The following NALCN variants were observed in gnomAD, a reference collection of about 807,000 sequenced individuals.
The protein encoded by NALCN is sodium leak channel, non-selective, also known as sodium leak channel NALCN.
NALCN carries 111 observed loss-of-function variants against 225.3 expected under a neutral mutation model. The ratio of observed to expected loss-of-function variants is 0.49; its 90% CI spans 0.42 to 0.58. NALCN has a LOEUF of 0.58. Among genes scored for constraint, NALCN ranks in the 20% least tolerant of loss-of-function variants. NALCN has a pLI of 0.00. For missense variants in NALCN, 1,378 were observed against 2,202.4 expected (o/e 0.63, Z 7.49); for synonymous variants, 764 against 769.0 (o/e 0.99, Z 0.11).
chr13:101,253,128 A>T (rs1443573467), intron 11 of NALCN, among the ~76,000 whole-genome samples: 1 of 152,156 alleles, frequency 6.6e-6, no homozygotes, highest in Non-Finnish European at 1.5e-5. Context: ...ATTCTTACAG[A>T]GGAAAATAAA....
chr13:101,244,416 T>C (rs1384504888), intron 11 of NALCN, among the ~76,000 whole-genome samples: 1 of 152,198 alleles, frequency 6.6e-6, no homozygotes, highest in East Asian at 1.9e-4. Context: ...TGATATTCTT[T>C]TGAAAGACAC....
At chr13:101,066,678 C>T (rs1028104807) in intron 39 of NALCN, among the ~76,000 whole-genome samples, 22 of 152,056 alleles carry the variant, frequency 1.4e-4, no homozygotes, top group African/African-American at 3.1e-4. Context: ...ATGCCCTGCA[C>T]GCAGGGCTCT....
At chr13:101,187,308 T>C (rs1011927440) in intron 14 of NALCN, among the ~76,000 whole-genome samples, 1 of 152,170 alleles carries the variant, frequency 6.6e-6, no homozygotes, top group Non-Finnish European at 1.5e-5. Flanking sequence ...ATATATAGGG[T>C]TCTGTACTAT....
intron 13 of NALCN, among the ~76,000 whole-genome samples, chr13:101,220,002 C>A (rs1481276235): frequency 3.9e-5 from 6 of 152,186 alleles, no homozygotes; most frequent in South Asian, 2.1e-4. Context: ...AGACTACACA[C>A]CTGGTAAATA....
chr13:101,067,905 C>A lies in NALCN; in HGVS notation c.4446+13G>T. On this transcript the variant is annotated intron_variant, in intron 39 of 43. Coordinates refer to ENST00000251127, the MANE Select transcript of NALCN (RefSeq NM_052867.4). Reference sequence around the variant, plus strand: ...TTTGAGGTGAGGCATGAAACAACAACCCACTCCCATACCTCTCTTTTATCA... The same window carrying A: ...TTTGAGGTGAGGCATGAAACAACAAACCACTCCCATACCTCTCTTTTATCA... 6.4e-7 allele frequency: 1 copy of A among 1,560,300 alleles called. No homozygotes were observed. The highest frequency in any genetic ancestry group is 8.8e-7 in the Non-Finnish European group (1 of 1,133,230).
intron 15 of NALCN, among the ~76,000 whole-genome samples, chr13:101,151,994 G>T (rs975250712): frequency 8.5e-5 from 13 of 152,144 alleles, no homozygotes; most frequent in Non-Finnish European, 1.6e-4. Flanking sequence ...AGAAGACAGC[G>T]ATACTGTACA....
chr13:101,107,597 T>C lies in NALCN; in HGVS notation c.2469A>G (p.Glu823=), dbSNP rs1416495337. 6.2e-7 allele frequency: 1 copy of C among 1,614,092 alleles called. No homozygotes were observed. The highest frequency in any genetic ancestry group is 8.5e-7 in the Non-Finnish European group (1 of 1,179,944). ...EQAEMKRKVQ[E]EELRENHPYF... ...ATGGGTGGTTCTCTCTGAGTTCCTC[T>C]TCTTGCACTTTCCTTGAAGGAGAAA... is the stretch of plus-strand genomic sequence containing the variant. Residue 823 remains glutamate (E), a synonymous_variant, in exon 22 of 44, where the codon GAA becomes GAG. Coordinates refer to ENST00000251127, the MANE Select transcript of NALCN (RefSeq NM_052867.4).
chr13:101,364,434 C>T (rs530845878), intron 6 of NALCN, among the ~76,000 whole-genome samples: 134 of 152,260 alleles, frequency 8.8e-4, no homozygotes, highest in Middle Eastern at 3.4e-3. Flanking sequence ...TTTGCAGCTG[C>T]ATGGACAGAA....
At chr13:101,366,937 C>G (rs1286818037) in intron 6 of NALCN, among the ~76,000 whole-genome samples, 6 of 151,550 alleles carry the variant, frequency 4.0e-5, no homozygotes, top group Non-Finnish European at 7.4e-5. Context: ...GCAGCTCCAT[C>G]TCCTTCTCAC....
intron 39 of NALCN, among the ~76,000 whole-genome samples, chr13:101,067,154 A>C (rs1486724936): frequency 6.7e-6 from 1 of 148,938 alleles, no homozygotes; most frequent in Non-Finnish European, 1.5e-5. Context: ...AAGAGAGAAG[A>C]GGAGAGGGAG....
chr13:101,060,273 C>CTGTTTTTTTT (rs1566768232), intron 41 of NALCN, among the ~76,000 whole-genome samples: 2 of 49,316 alleles, frequency 4.1e-5, no homozygotes, highest in East Asian at 6.4e-4. Context: ...TTGGTGTTTT[C>CTGTTTTTTTT]TGTTTTTTTT....
In NALCN at chr13:101,292,854, T is replaced by A. The variant is rs117643464; in HGVS notation, c.800-488A>T. On this transcript the variant is annotated intron_variant, in intron 7 of 43. Coordinates refer to ENST00000251127, the MANE Select transcript of NALCN (RefSeq NM_052867.4). This position sits in a 1 kb window ranked among gnomAD's most constrained non-coding sequence, Gnocchi z 4.3. ...ATCTCAGGCTCCACAATTGATATGA[T>A]GGAGCTTGTCTTTGGATTCCATGGT... is the stretch of plus-strand genomic sequence containing the variant. 0.026 allele frequency among the ~76,000 whole-genome samples: 3,912 copies of A among 152,316 alleles called. 66 individuals are homozygous for A. The highest frequency in any genetic ancestry group is 0.037 in the Non-Finnish European group (2,508 of 68,022).
chr13:101,131,740 T>C (rs922315898), intron 17 of NALCN, among the ~76,000 whole-genome samples: 1 of 152,184 alleles, frequency 6.6e-6, no homozygotes, highest in African/African-American at 2.4e-5. Flanking sequence ...CTTGCTTTTA[T>C]TTAGGGTTTG....
chr13:101,264,720 G>C (rs986567110), intron 10 of NALCN, among the ~76,000 whole-genome samples: 3 of 152,144 alleles, frequency 2.0e-5, no homozygotes, highest in Admixed American at 6.5e-5. Context: ...GATTCTAAAA[G>C]TCTATAATGA....
chr13:101,155,067 G>T (rs2037840256), intron 15 of NALCN, among the ~76,000 whole-genome samples: 1 of 152,044 alleles, frequency 6.6e-6, no homozygotes, highest in Non-Finnish European at 1.5e-5. Context: ...TTTCTATGTT[G>T]CATTATTACA....
intron 1 of NALCN, among the ~76,000 whole-genome samples, chr13:101,414,797 A>C (rs1017851375): frequency 2.0e-5 from 3 of 152,222 alleles, no homozygotes; most frequent in Non-Finnish European, 4.4e-5. Context: ...ATTTTAGCAT[A>C]GTCCTTATCA....
In NALCN at chr13:101,292,394, G is replaced by A. The variant is rs756069682; in HGVS notation, c.800-28C>T. On this transcript the variant is annotated intron_variant, in intron 7 of 43. Transcript: ENST00000251127. This position sits in a 1 kb window ranked among gnomAD's most constrained non-coding sequence, Gnocchi z 4.3. Reference sequence around the variant, plus strand: ...GTCATGACAGAGGAGGACAGACTGAGTCACAGCTGACTTTTGAAATAAGAA... The same window carrying A: ...GTCATGACAGAGGAGGACAGACTGAATCACAGCTGACTTTTGAAATAAGAA... 4 of 1,577,336 alleles carry A rather than the reference G, an allele frequency of 2.5e-6. No homozygotes were observed. The South Asian group carries it at 3.5e-5, about 14-fold the overall frequency.
chr13:101,169,146 A>T (rs1432568939), intron 15 of NALCN, among the ~76,000 whole-genome samples: 2 of 152,086 alleles, frequency 1.3e-5, no homozygotes, highest in African/African-American at 4.8e-5. Context: ...GTTATTTTTG[A>T]GGGTAGAAAC....
At chr13:101,245,442 T>C (rs969367165) in intron 11 of NALCN, among the ~76,000 whole-genome samples, 6 of 152,180 alleles carry the variant, frequency 3.9e-5, no homozygotes, top group African/African-American at 1.4e-4. Context: ...TTTTAGAGAT[T>C]TTGTTCTTAA....
Sources: gnomAD v4.1 joint callset for allele counts (sites outside exome capture counted in the v4.1 genomes callset) on GRCh38, gnomAD v4.1.1 for gene constraint, Gnocchi (gnomAD v3.1) non-coding constraint, MANE v1.5 for transcripts, NCBI Gene and HGNC (gene_info 2026-07-23, HGNC 2026-07-21) for gene names.